RPS6KA2: variants seen among roughly 807,000 people sequenced by gnomAD.
RPS6KA2 encodes ribosomal protein S6 kinase A2.
A neutral mutation model predicts 91.8 loss-of-function variants in RPS6KA2; 42 were observed. The ratio of observed to expected loss-of-function variants is 0.46; its 90% confidence interval spans 0.36 to 0.59. The LOEUF (loss-of-function observed/expected upper bound fraction) is 0.59. Among genes scored for constraint, RPS6KA2 ranks in the 20% least tolerant of loss-of-function variants. The pLI is 0.00. For missense variants in RPS6KA2, 798 were observed against 978.5 expected, an observed-to-expected ratio of 0.82 and a Z score of 2.46; for synonymous variants, 414 against 393.6, an observed-to-expected ratio of 1.05 and a Z score of -0.61.
At chr6:166,436,438 A>G (rs1779309609) in intron 14 of RPS6KA2, among the ~76,000 whole-genome samples, 1 of 152,162 alleles carries the variant, frequency 6.6e-6, no homozygotes, top group Non-Finnish European at 1.5e-5. Context: ...AGCAAGGCAC[A>G]GTGTAATGCC....
chr6:166,714,706 T>G (rs1233096630), intron 2 of RPS6KA2, among the ~76,000 whole-genome samples: 2 of 152,220 alleles, frequency 1.3e-5, no homozygotes, highest in Non-Finnish European at 2.9e-5. Flanking sequence ...TGGAACAGGC[T>G]GTCCCTCCCC....
intron 2 of RPS6KA2, among the ~76,000 whole-genome samples, chr6:166,667,150 G>A (rs560532008): frequency 4.3e-4 from 65 of 152,316 alleles, no homozygotes; most frequent in South Asian, 1.2e-3. Context: ...AGAAAGGAAC[G>A]GAGTTCTGGA....
At chr6:166,536,604 G>T (rs943695796) in intron 2 of RPS6KA2, among the ~76,000 whole-genome samples, 12 of 152,074 alleles carry the variant, frequency 7.9e-5, no homozygotes, top group Non-Finnish European at 1.2e-4. Context: ...AGTCCAGCTC[G>T]CATTAATCCA....
rs1217634963 is a variant in RPS6KA2 at position 166,445,803 on chromosome 6, G to A, written c.1332+2921C>T. On this transcript the variant is annotated intron_variant, in intron 14 of 20. Coordinates refer to ENST00000265678, the MANE Select transcript of RPS6KA2 (RefSeq NM_021135.6). This position sits in a 1 kb window ranked among gnomAD's most constrained non-coding sequence, Gnocchi z 4.5. ...CCATGAGCCAGGGGTAGGTGGGATC[G>A]TATACGGCTCAAGCGGCAACTGGGA... Among the ~76,000 whole-genome samples, 1 of 152,194 alleles carries A rather than the reference G, an allele frequency of 6.6e-6. No homozygotes were observed. The highest frequency in any genetic ancestry group is 1.5e-5 in the Non-Finnish European group (1 of 68,032).
chr6:166,430,451 AC>A lies in RPS6KA2; in HGVS notation c.1581+1del. The A allele has an allele frequency of 3.1e-6, 5 of 1,608,904 alleles. No homozygotes were observed. The highest frequency in any genetic ancestry group is 4.2e-6 in the Non-Finnish European group (5 of 1,177,132). ...GAAGGCTGCCCCAGGCATGGCTCCT[AC>A]CCCCTGGGAATGGAGGTAGTCCATG... On this transcript the variant is annotated splice_donor_variant, in intron 16 of 20. Transcript: ENST00000265678. LOFTEE classifies it high-confidence loss of function.
At chr6:166,691,340 G>A (rs1032704677) in intron 2 of RPS6KA2, among the ~76,000 whole-genome samples, 1 of 152,014 alleles carries the variant, frequency 6.6e-6, no homozygotes, top group Non-Finnish European at 1.5e-5. Flanking sequence ...CCTTCAAAAC[G>A]ATTTCCTGCT....
At position 166,433,273 on chromosome 6, in the gene RPS6KA2, A is replaced by G. The variant is rs1779197258; in HGVS notation, c.1333-783T>C. On this transcript the variant is annotated intron_variant, in intron 14 of 20. Coordinates refer to ENST00000265678, the MANE Select transcript of RPS6KA2 (RefSeq NM_021135.6). This position sits in a 1 kb window ranked among gnomAD's most constrained non-coding sequence, Gnocchi z 4.4. The stretch of plus-strand genomic sequence containing the variant: ...GCAGGCCAGACCTGCCTTGCTGTTT[A>G]GACATATGCAAGCTCCCCTCCCCCG... Among the ~76,000 whole-genome samples, 1 of 152,156 alleles carries G rather than the reference A, an allele frequency of 6.6e-6. No individual in the cohort carries two copies. The highest frequency in any genetic ancestry group is 6.5e-5 in the Admixed American group (1 of 15,278).
At chr6:166,497,340 T>G (rs572119664) in intron 8 of RPS6KA2, among the ~76,000 whole-genome samples, 2 of 152,232 alleles carry the variant, frequency 1.3e-5, no homozygotes, top group Non-Finnish European at 2.9e-5. Context: ...CTGTCTGTGT[T>G]GTGACTCACT....
At chr6:166,677,470 C>T (rs897470783) in intron 2 of RPS6KA2, among the ~76,000 whole-genome samples, 4 of 151,784 alleles carry the variant, frequency 2.6e-5, no homozygotes, top group African/African-American at 9.7e-5. Context: ...AAGCAACCCT[C>T]TTGCCTCAGC....
chr6:166,798,652 A>C (rs745971081), intron 2 of RPS6KA2, among the ~76,000 whole-genome samples: 1 of 152,224 alleles, frequency 6.6e-6, no homozygotes, highest in African/African-American at 2.4e-5. Flanking sequence ...GGCACATGGC[A>C]TAAGTATTTT....
At chr6:166,815,318 G>A (rs1583147920) in intron 2 of RPS6KA2, among the ~76,000 whole-genome samples, 1 of 152,196 alleles carries the variant, frequency 6.6e-6, no homozygotes, top group Non-Finnish European at 1.5e-5. Context: ...GAGGCACAGG[G>A]CACTACTAGA....
At chr6:166,599,853 T>A (rs1785666624) in intron 1 of RPS6KA2, among the ~76,000 whole-genome samples, 2 of 151,940 alleles carry the variant, frequency 1.3e-5, no homozygotes, top group Non-Finnish European at 2.9e-5. Context: ...TCCATCTCCA[T>A]CCTCCATGCG....
At chr6:166,696,471 A>T (rs1789362063) in intron 2 of RPS6KA2, among the ~76,000 whole-genome samples, 1 of 152,198 alleles carries the variant, frequency 6.6e-6, no homozygotes, top group African/African-American at 2.4e-5. Flanking sequence ...CAGGAAACTC[A>T]GTGAACATAT....
At chr6:166,789,487 T>C (rs1322197146) in intron 2 of RPS6KA2, among the ~76,000 whole-genome samples, 1 of 152,192 alleles carries the variant, frequency 6.6e-6, no homozygotes, top group East Asian at 1.9e-4. Flanking sequence ...GACTTAAATG[T>C]CCCTGTCTGA....
chr6:166,480,491 A>ATATATAT (rs1464403168), intron 10 of RPS6KA2, among the ~76,000 whole-genome samples: 2 of 73,478 alleles, frequency 2.7e-5, no homozygotes, highest in African/African-American at 8.8e-5. Context: ...ATATATATAT[A>ATATATAT]TATATATATA....
Position 166,411,566 on chromosome 6 carries a change from AC to A in RPS6KA2, c.*1195del, listed in dbSNP as rs1328502918. 2.0e-5 allele frequency: 3 copies of A among 152,254 alleles called. No individual in the cohort carries two copies. Among genetic ancestry groups the A allele is most frequent in the African/African-American group, 4.8e-5 (2 of 41,398 alleles). 9.4% of individuals were successfully genotyped at this position (152,254 alleles called of 1,614,324 possible). A position where few individuals can be genotyped will look rare whatever the true frequency, so the allele number is the denominator to read the frequency against. On this transcript the variant is annotated 3_prime_UTR_variant, in exon 21 of 21. Transcript: ENST00000265678. This position sits in a 1 kb window ranked among gnomAD's most constrained non-coding sequence, Gnocchi z 4.5. ...GCACAGCATGGCCTAAATGCCCCAC[AC>A]CCGCCCTGTGTGCACACCCAGGGGA...
intron 2 of RPS6KA2, among the ~76,000 whole-genome samples, chr6:166,652,043 G>A (rs994167789): frequency 1.3e-5 from 2 of 152,254 alleles, no homozygotes; most frequent in Non-Finnish European, 2.9e-5. Flanking sequence ...ACGCCACTGA[G>A]TGCTAGAAGA....
chr6:166,764,032 C>T (rs144460211), intron 2 of RPS6KA2, among the ~76,000 whole-genome samples: 4 of 152,298 alleles, frequency 2.6e-5, no homozygotes, highest in Non-Finnish European at 5.9e-5. Flanking sequence ...AGAAAGAATG[C>T]GAAGTGTTTG....
intron 13 of RPS6KA2, among the ~76,000 whole-genome samples, chr6:166,450,244 AC>A (rs1400037348): frequency 6.7e-6 from 1 of 149,184 alleles, no homozygotes; most frequent in Non-Finnish European, 1.5e-5. Flanking sequence ...CACGGGAACC[AC>A]CACAGGGACC....
Sources: allele counts gnomAD v4.1 joint callset (sites outside exome capture counted in the v4.1 genomes callset), GRCh38; gene constraint gnomAD v4.1.1; non-coding constraint Gnocchi (gnomAD v3.1); transcripts MANE v1.5; gene names NCBI Gene and HGNC (gene_info 2026-07-23, HGNC 2026-07-21).